Variants in GRIN3A observed in about 807,000 individuals in gnomAD.
GRIN3A encodes glutamate ionotropic receptor NMDA type subunit 3A.
In GRIN3A, 47 loss-of-function variants were observed where a neutral mutation model predicts 92.4. The observed-to-expected ratio is 0.51, with a 90% CI of 0.40 to 0.65. The LOEUF (loss-of-function observed/expected upper bound fraction) is 0.65. GRIN3A is among the 30% of genes least tolerant of loss of function. The pLI, the probability that GRIN3A is intolerant of heterozygous loss-of-function variation, is 0.00. For missense variants in GRIN3A, 1,324 were observed against 1,393.1 expected (o/e 0.95, Z 0.79); for synonymous variants, 527 against 540.6 (o/e 0.97, Z 0.35).
chr9:101,590,736 A>G (rs541624488), intron 6 of GRIN3A, among the ~76,000 whole-genome samples: 25 of 152,320 alleles, frequency 1.6e-4, no homozygotes, highest in Admixed American at 1.4e-3. Context: ...CAAAATAGAT[A>G]TAACACCATA....
intron 8 of GRIN3A, 108 bp downstream of exon 8, chr9:101,577,660 A>G: frequency 1.2e-6 from 1 of 853,638 alleles, no homozygotes; most frequent in Non-Finnish European, 2.0e-6. Context: ...CTCTATTTAT[A>G]CTGATTCTTT....
chr9:101,686,226 A>G (rs956704998), intron 2 of GRIN3A, among the ~76,000 whole-genome samples: 36 of 152,230 alleles, frequency 2.4e-4, no homozygotes, highest in African/African-American at 8.4e-4. Flanking sequence ...GGTACTTTTC[A>G]TATATAAATT....
chr9:101,690,244 A>G (rs1829597664), intron 1 of GRIN3A, among the ~76,000 whole-genome samples: 1 of 152,154 alleles, frequency 6.6e-6, no homozygotes, highest in Non-Finnish European at 1.5e-5. Flanking sequence ...ATTATTTTTC[A>G]TATTGTATAC....
intron 2 of GRIN3A, among the ~76,000 whole-genome samples, chr9:101,675,339 T>C (rs572465540): frequency 1.2e-3 from 188 of 152,166 alleles, no homozygotes; most frequent in African/African-American, 4.0e-3. Context: ...AAAATGTTTT[T>C]GAGACAGTTC....
chr9:101,633,116 G>A (rs987397281), intron 3 of GRIN3A, among the ~76,000 whole-genome samples: 3 of 152,070 alleles, frequency 2.0e-5, no homozygotes, highest in African/African-American at 7.2e-5. Flanking sequence ...AAAACAAAAT[G>A]AGGCGAACTC....
chr9:101,662,808 C>G (rs945657245), intron 3 of GRIN3A, among the ~76,000 whole-genome samples: 1 of 151,694 alleles, frequency 6.6e-6, no homozygotes, highest in South Asian at 2.1e-4. Flanking sequence ...CAAATTTTTT[C>G]TTTTAACCCA....
intron 3 of GRIN3A, among the ~76,000 whole-genome samples, chr9:101,638,368 C>T (rs1446598228): frequency 6.6e-6 from 1 of 152,132 alleles, no homozygotes; most frequent in Non-Finnish European, 1.5e-5. Context: ...TTTGTTTTGC[C>T]TCTTCTATGA....
chr9:101,654,959 ATATATT>A (rs1275840917), intron 3 of GRIN3A, among the ~76,000 whole-genome samples: 1 of 151,842 alleles, frequency 6.6e-6, no homozygotes, highest in Non-Finnish European at 1.5e-5. Flanking sequence ...ATGGTGACAT[ATATATT>A]TATGGAATTG....
chr9:101,735,396 C>A (rs1293524247), intron 1 of GRIN3A, among the ~76,000 whole-genome samples: 1 of 142,126 alleles, frequency 7.0e-6, no homozygotes, highest in Non-Finnish European at 1.6e-5. Flanking sequence ...AGGACTTTAT[C>A]CACCCCCCAC....
chr9:101,724,342 G>A (rs1339683372), intron 1 of GRIN3A, among the ~76,000 whole-genome samples: 3 of 152,168 alleles, frequency 2.0e-5, no homozygotes, highest in African/African-American at 4.8e-5. Flanking sequence ...TACGCCCTCC[G>A]CAGCCTCTGG....
At chr9:101,645,817 A>G (rs1002095262) in intron 3 of GRIN3A, among the ~76,000 whole-genome samples, 7 of 150,928 alleles carry the variant, frequency 4.6e-5, no homozygotes, top group Admixed American at 2.7e-4. Flanking sequence ...TTCCCTTATG[A>G]TTAGTGATGT....
At chr9:101,685,308 C>CTTTTT (rs35028586) in intron 2 of GRIN3A, among the ~76,000 whole-genome samples, 15 of 115,202 alleles carry the variant, frequency 1.3e-4, no homozygotes, top group East Asian at 2.6e-4. Context: ...TTTATCATGT[C>CTTTTT]TTTTTTTTTT....
At chr9:101,732,961 T>C (rs989678901) in intron 1 of GRIN3A, among the ~76,000 whole-genome samples, 3 of 152,148 alleles carry the variant, frequency 2.0e-5, no homozygotes, top group Non-Finnish European at 4.4e-5. Context: ...ATTGGGAACA[T>C]TTTGGCCACT....
At chr9:101,619,661 A>C (rs572985788) in intron 5 of GRIN3A, among the ~76,000 whole-genome samples, 1 of 152,250 alleles carries the variant, frequency 6.6e-6, no homozygotes, top group Non-Finnish European at 1.5e-5. Flanking sequence ...CTCCAGAGCC[A>C]GTGTTCCAAG....
intron 3 of GRIN3A, among the ~76,000 whole-genome samples, chr9:101,645,574 C>G (rs1828926799): frequency 6.6e-6 from 1 of 151,350 alleles, no homozygotes; most frequent in South Asian, 2.1e-4. Context: ...AGATCTACTC[C>G]TAGTTTTTTG....
At chr9:101,599,872 G>C (rs1486534015) in intron 6 of GRIN3A, among the ~76,000 whole-genome samples, 1 of 152,152 alleles carries the variant, frequency 6.6e-6, no homozygotes. Context: ...CCTTTCTGTA[G>C]CATTGCCGGT....
chr9:101,657,962 A>C (rs1018603478), intron 3 of GRIN3A, among the ~76,000 whole-genome samples: 1 of 151,980 alleles, frequency 6.6e-6, no homozygotes, highest in Admixed American at 6.6e-5. Context: ...CCTTAGCAGC[A>C]GTCTCTGCTC....
chr9:101,721,880 G>T (rs533588523), intron 1 of GRIN3A, among the ~76,000 whole-genome samples: 3 of 152,342 alleles, frequency 2.0e-5, no homozygotes, highest in South Asian at 2.1e-4. Context: ...GAACACAAAG[G>T]TTCAGAAAAT....
chr9:101,637,258 A>G (rs1368470430), intron 3 of GRIN3A, among the ~76,000 whole-genome samples: 2 of 152,002 alleles, frequency 1.3e-5, no homozygotes, highest in Non-Finnish European at 2.9e-5. Context: ...ACGCCCAGCT[A>G]ATTTTTTTGT....
Sources: allele counts gnomAD v4.1 joint callset (sites outside exome capture counted in the v4.1 genomes callset), GRCh38; gene constraint gnomAD v4.1.1; transcripts MANE v1.5; gene names NCBI Gene and HGNC (gene_info 2026-07-23, HGNC 2026-07-21).